The following LTBP1 variants were observed in gnomAD, a reference collection of about 807,000 sequenced individuals.
LTBP1 encodes the protein latent-transforming growth factor beta-binding protein 1.
In LTBP1, 129 loss-of-function variants were observed where a neutral mutation model predicts 207.6. The observed-to-expected ratio is 0.62, with a 90% CI of 0.54 to 0.72. The LOEUF is 0.72. Among genes scored for constraint, LTBP1 ranks in the 30% least tolerant of loss-of-function variants. LTBP1 has a pLI of 0.00. For synonymous variants in LTBP1, 963 were observed against 833.7 expected (o/e 1.16, Z -2.67); for missense variants, 2,281 against 2,217.2 (o/e 1.03, Z -0.58).
rs114754301 is a variant in LTBP1 at position 32,967,781 on chromosome 2, T to C, written c.565+18836T>C. ...GTGCTACGTAATCATGAGTAAAATG[T>C]ATATTCTGCTGTCGTTGGATGAAGT... On this transcript the variant is annotated intron_variant, in intron 2 of 33. Coordinates refer to ENST00000404816, the MANE Select transcript of LTBP1 (RefSeq NM_206943.4). 4.0e-3 allele frequency among the ~76,000 whole-genome samples: 605 copies of C among 152,326 alleles called. 2 individuals are homozygous for C. The highest frequency in any genetic ancestry group is 0.013 in the African/African-American group (534 of 41,566).
intron 28 of LTBP1, among the ~76,000 whole-genome samples, chr2:33,362,756 C>G (rs1471706910): frequency 1.3e-5 from 2 of 152,176 alleles, no homozygotes; most frequent in Non-Finnish European, 2.9e-5. Flanking sequence ...ATAGATAACA[C>G]TTTTGAGTAT....
intron 31 of LTBP1, among the ~76,000 whole-genome samples, chr2:33,377,836 C>T (rs79339022): frequency 0.043 from 6,586 of 152,150 alleles, 139 homozygotes; most frequent in Non-Finnish European, 0.052. Context: ...TCTTACCTGG[C>T]GACAGGACAG....
intron 4 of LTBP1, among the ~76,000 whole-genome samples, chr2:33,120,371 T>A (rs1252496426): frequency 6.6e-6 from 1 of 152,176 alleles, no homozygotes. Context: ...CCAGGGTCTG[T>A]TGTTCCCTTC....
At chr2:33,074,793 C>T (rs1365582172) in intron 3 of LTBP1, among the ~76,000 whole-genome samples, 4 of 150,628 alleles carry the variant, frequency 2.7e-5, no homozygotes, top group African/African-American at 4.9e-5. Context: ...TGGCGTGAAC[C>T]GAGGAGGTGG....
chr2:32,993,438 T>A (rs1253928089), intron 2 of LTBP1, among the ~76,000 whole-genome samples: 2 of 152,196 alleles, frequency 1.3e-5, no homozygotes, highest in African/African-American at 4.8e-5. Context: ...CTCTCTCATA[T>A]ATACAAGTTC....
chr2:33,091,414 C>T (rs1403163360), intron 3 of LTBP1, among the ~76,000 whole-genome samples: 1 of 152,052 alleles, frequency 6.6e-6, no homozygotes, highest in Non-Finnish European at 1.5e-5. Flanking sequence ...AGCAACTAAG[C>T]CAAAGATGGG....
chr2:33,129,286 C>T (rs1365045470), intron 4 of LTBP1, among the ~76,000 whole-genome samples: 1 of 152,090 alleles, frequency 6.6e-6, no homozygotes, highest in East Asian at 1.9e-4. Flanking sequence ...TTTAGGGATG[C>T]GGAACACCCA....
At position 32,947,612 on chromosome 2, in the gene LTBP1, G is replaced by A. The variant is rs143551592; in HGVS notation, c.288G>A (p.Gln96=). 95,528 of 1,334,810 alleles carry A rather than the reference G, an allele frequency of 0.072. 6,524 individuals carry two copies. Among genetic ancestry groups the A allele is most frequent in the East Asian group, 0.46 (14,324 of 31,098 alleles). 82.7% of individuals were successfully genotyped at this position (1,334,810 alleles called of 1,614,324 possible). Residue 96 remains glutamine (Q), a synonymous_variant, in exon 1 of 34, where the codon CAG becomes CAA. Coordinates refer to ENST00000404816, the MANE Select transcript of LTBP1 (RefSeq NM_206943.4). ...RTSKPGGAAL[Q]GLRPPPPPPP... ...GCAAGCCGGGCGGCGCGGCCCTGCA[G>A]GGGCTCAGACCGCCGCCGCCGCCGC...
chr2:33,232,769 T>C lies in LTBP1; in HGVS notation c.1876+10618T>C, dbSNP rs537326201. Among the ~76,000 whole-genome samples the C allele has an allele frequency of 7.2e-5, 11 of 152,298 alleles. No homozygotes were observed. In the South Asian group the frequency reaches 1.0e-3, roughly 14 times the overall value. ...AATCTGTATTTTGAGGTTATATTCT[T>C]TAACAGATCCTTTAGTGAGGGTCAC... is the stretch of plus-strand genomic sequence containing the variant. On this transcript the variant is annotated intron_variant, in intron 9 of 33. Coordinates refer to ENST00000404816, the MANE Select transcript of LTBP1 (RefSeq NM_206943.4).
chr2:32,969,229 TTGTGTGTGTGTG>T (rs201873946), intron 2 of LTBP1, among the ~76,000 whole-genome samples: 41 of 131,712 alleles, frequency 3.1e-4, no homozygotes, highest in South Asian at 1.2e-3. Flanking sequence ...CCTGGCCAAT[TTGTGTGTGTGTG>T]TGTGTGTGTG....
intron 9 of LTBP1, among the ~76,000 whole-genome samples, chr2:33,241,713 G>A (rs1366700841): frequency 1.3e-5 from 2 of 152,160 alleles, no homozygotes; most frequent in Non-Finnish European, 2.9e-5. Flanking sequence ...TGGAAATTTT[G>A]TCCAGCCTTC....
intron 24 of LTBP1, among the ~76,000 whole-genome samples, chr2:33,318,185 AT>A (rs1421757160): frequency 6.6e-6 from 1 of 152,190 alleles, no homozygotes; most frequent in East Asian, 1.9e-4. Flanking sequence ...AGCCCTAAGC[AT>A]TTTGGGTAAG....
chr2:32,957,784 G>A (rs1191926950), intron 2 of LTBP1, among the ~76,000 whole-genome samples: 6 of 152,194 alleles, frequency 3.9e-5, no homozygotes, highest in Non-Finnish European at 8.8e-5. Flanking sequence ...GTGAAGTGCA[G>A]TAAAGTGAAG....
chr2:32,982,382 G>A (rs113411379), intron 2 of LTBP1, among the ~76,000 whole-genome samples: 6,007 of 152,244 alleles, frequency 0.039, 194 homozygotes, highest in Non-Finnish European at 0.067. Flanking sequence ...AAAATTTGCA[G>A]CCTGATGATG....
chr2:33,361,598 A>G, intron 28 of LTBP1, 83 bp downstream of exon 28: 3 of 969,618 alleles, frequency 3.1e-6, no homozygotes, highest in Non-Finnish European at 4.8e-6. Flanking sequence ...GGTTTCACAG[A>G]ATTAGAGTTC....
intron 5 of LTBP1, among the ~76,000 whole-genome samples, chr2:33,172,666 T>C (rs4426512): frequency 0.49 from 74,033 of 151,406 alleles, 18,267 homozygotes; most frequent in Non-Finnish European, 0.52. Flanking sequence ...AATAGACATC[T>C]ACAGAACTCT....
chr2:33,256,271 T>A (rs2092847936), intron 11 of LTBP1, among the ~76,000 whole-genome samples: 1 of 152,108 alleles, frequency 6.6e-6, no homozygotes, highest in African/African-American at 2.4e-5. Context: ...TCTTGATTTC[T>A]ACCTATCATC....
At chr2:33,109,743 C>T (rs1277423362) in intron 3 of LTBP1, among the ~76,000 whole-genome samples, 1 of 152,172 alleles carries the variant, frequency 6.6e-6, no homozygotes, top group African/African-American at 2.4e-5. Flanking sequence ...AAAGCGGCAT[C>T]GTAATTTATA....
intron 3 of LTBP1, among the ~76,000 whole-genome samples, chr2:33,105,337 T>G (rs1463777244): frequency 6.6e-6 from 1 of 152,226 alleles, no homozygotes; most frequent in East Asian, 1.9e-4. Flanking sequence ...TGTACATTAA[T>G]TGTTTAAAAA....
Sources: gnomAD v4.1 joint callset for allele counts (sites outside exome capture counted in the v4.1 genomes callset) on GRCh38, gnomAD v4.1.1 for gene constraint, MANE v1.5 for transcripts, NCBI Gene and HGNC (gene_info 2026-07-23, HGNC 2026-07-21) for gene names.